Variants in ZFHX3 observed in about 807,000 individuals in gnomAD.
ZFHX3 encodes the protein zinc finger homeobox protein 3.
Under a neutral mutation model 279.1 loss-of-function variants are expected in ZFHX3, and 42 were observed. The ratio of observed to expected loss-of-function variants is 0.15; its 90% CI spans 0.12 to 0.19. ZFHX3 has a LOEUF of 0.19. ZFHX3 is among the 10% of genes least tolerant of loss of function. ZFHX3 has a pLI of 1.00. For synonymous variants in ZFHX3, 2,293 were observed against 1,957.8 expected, an observed-to-expected ratio of 1.17 and a Z score of -4.52; for missense variants, 4,981 against 4,754.0, an observed-to-expected ratio of 1.05 and a Z score of -1.40.
chr16:72,877,480 A>T (rs1466345912), intron 4 of ZFHX3, among the ~76,000 whole-genome samples: 1 of 152,194 alleles, frequency 6.6e-6, no homozygotes, highest in Non-Finnish European at 1.5e-5. Flanking sequence ...CACGCATCAG[A>T]GTGTCCAGCG....
chr16:73,618,911 G>A (rs2052330756), intron 2 of ZFHX3, among the ~76,000 whole-genome samples: 1 of 152,202 alleles, frequency 6.6e-6, no homozygotes, highest in African/African-American at 2.4e-5. Context: ...CAAGGGGCAT[G>A]AGATGTGATG....
intron 1 of ZFHX3, among the ~76,000 whole-genome samples, chr16:73,791,403 C>T (rs989399029): frequency 6.6e-6 from 1 of 152,042 alleles, no homozygotes; most frequent in Non-Finnish European, 1.5e-5. Flanking sequence ...CCAGAATTTG[C>T]ATTTACTTAT....
At chr16:73,545,270 A>T (rs542050725) in intron 2 of ZFHX3, among the ~76,000 whole-genome samples, 3 of 151,746 alleles carry the variant, frequency 2.0e-5, no homozygotes, top group African/African-American at 7.3e-5. Flanking sequence ...TCTTTCTCCC[A>T]TTTTCTTTCT....
chr16:73,540,247 G>A (rs539634748), intron 2 of ZFHX3, among the ~76,000 whole-genome samples: 2 of 152,200 alleles, frequency 1.3e-5, no homozygotes, highest in African/African-American at 2.4e-5. Context: ...CAACCATATG[G>A]GCTAGGCGAA....
intron 5 of ZFHX3, among the ~76,000 whole-genome samples, chr16:73,237,348 T>C (rs1224281917): frequency 6.6e-6 from 1 of 152,038 alleles, no homozygotes; most frequent in Non-Finnish European, 1.5e-5. Context: ...TGGGATCAAG[T>C]AATCCTCTCA....
intron 2 of ZFHX3, among the ~76,000 whole-genome samples, chr16:73,607,868 G>C (rs945451098): frequency 2.6e-5 from 4 of 152,086 alleles, no homozygotes; most frequent in African/African-American, 7.2e-5. Context: ...CCAGGAGTTC[G>C]AGACCAGCCT....
At chr16:73,775,690 C>G (rs1959226973) in intron 1 of ZFHX3, among the ~76,000 whole-genome samples, 1 of 152,050 alleles carries the variant, frequency 6.6e-6, no homozygotes, top group African/African-American at 2.4e-5. Flanking sequence ...TCTACCTTAC[C>G]CCAGAGGAAA....
chr16:72,992,712 A>C (rs1963138438), intron 1 of ZFHX3, among the ~76,000 whole-genome samples: 1 of 152,248 alleles, frequency 6.6e-6, no homozygotes, highest in South Asian at 2.1e-4. Flanking sequence ...AGACTGACCA[A>C]GAAAGAAATG....
At chr16:73,526,548 C>T (rs1390896276) in intron 2 of ZFHX3, among the ~76,000 whole-genome samples, 4 of 152,200 alleles carry the variant, frequency 2.6e-5, no homozygotes, top group African/African-American at 7.2e-5. Flanking sequence ...TGACCCAGGC[C>T]CTGGCCTCCA....
At chr16:73,767,114 T>G (rs1449417320) in intron 1 of ZFHX3, among the ~76,000 whole-genome samples, 1 of 152,058 alleles carries the variant, frequency 6.6e-6, no homozygotes, top group East Asian at 1.9e-4. Flanking sequence ...TTTTTGTATT[T>G]TTAGTAGAGA....
intron 2 of ZFHX3, among the ~76,000 whole-genome samples, chr16:72,954,811 A>C (rs533057137): frequency 6.6e-6 from 1 of 152,308 alleles, no homozygotes; most frequent in South Asian, 2.1e-4. Flanking sequence ...TTCTGAAAAG[A>C]AGCAACCCCA....
chr16:73,468,361 C>T (rs141648906), intron 2 of ZFHX3, among the ~76,000 whole-genome samples: 78 of 152,290 alleles, frequency 5.1e-4, no homozygotes, highest in Non-Finnish European at 4.6e-4. Context: ...AACTGACATA[C>T]GGGCTTAGTC....
At position 73,887,995 on chromosome 16, in the gene ZFHX3, T is replaced by C. The variant is rs554500285; in HGVS notation, c.-1608+3656A>G. Among the ~76,000 whole-genome samples, 3 of 152,228 alleles carry C rather than the reference T, an allele frequency of 2.0e-5. No individual in the cohort carries two copies. In the East Asian group the frequency reaches 5.8e-4, roughly 29 times the overall value. ...GGAGGAACGGTTTATTATTCACAAG[T>C]AACAAACTCAGCAGCAAGATAAAAA... On this transcript the variant is annotated intron_variant, in intron 1 of 17. Transcript: ENST00000641206.
intron 1 of ZFHX3, among the ~76,000 whole-genome samples, chr16:73,831,221 C>A (rs142702910): frequency 6.6e-6 from 1 of 152,140 alleles, no homozygotes; most frequent in African/African-American, 2.4e-5. Context: ...AAAAGGGCAA[C>A]AGAAAAATCA....
chr16:73,737,553 A>G (rs1162882777), intron 1 of ZFHX3, among the ~76,000 whole-genome samples: 3 of 152,156 alleles, frequency 2.0e-5, no homozygotes. Flanking sequence ...ACGATTAACA[A>G]TTAAAAATCT....
intron 1 of ZFHX3, among the ~76,000 whole-genome samples, chr16:73,736,203 C>T (rs2053608842): frequency 6.6e-6 from 1 of 152,152 alleles, no homozygotes; most frequent in South Asian, 2.1e-4. Context: ...CTGTGGGTTT[C>T]TAGTTCATCG....
intron 5 of ZFHX3, among the ~76,000 whole-genome samples, chr16:73,196,263 G>C (rs1050864498): frequency 3.3e-5 from 5 of 151,436 alleles, no homozygotes; most frequent in African/African-American, 1.2e-4. Flanking sequence ...TACCCCGAAT[G>C]GGATATCTAG....
chr16:73,611,938 T>C (rs1470536082), intron 2 of ZFHX3, among the ~76,000 whole-genome samples: 1 of 152,226 alleles, frequency 6.6e-6, no homozygotes. Context: ...TGACAGGGTA[T>C]CTATCTTTTG....
At chr16:73,256,503 C>A (rs1205344543) in intron 5 of ZFHX3, among the ~76,000 whole-genome samples, 3 of 152,312 alleles carry the variant, frequency 2.0e-5, no homozygotes, top group Admixed American at 6.5e-5. Flanking sequence ...AAGCAGATTT[C>A]TGTTCTACAA....
Sources: gnomAD v4.1 joint callset for allele counts (sites outside exome capture counted in the v4.1 genomes callset) on GRCh38, gnomAD v4.1.1 for gene constraint, MANE v1.5 for transcripts, NCBI Gene and HGNC (gene_info 2026-07-23, HGNC 2026-07-21) for gene names.